The following PDXDC1 variants were observed in gnomAD, a reference collection of about 807,000 sequenced individuals.
PDXDC1 encodes the protein pyridoxal dependent decarboxylase domain containing 1.
A neutral mutation model predicts 100.1 loss-of-function variants in PDXDC1; 42 were observed. The observed-to-expected ratio is 0.42, with a 90% CI of 0.33 to 0.54. The LOEUF is 0.54. PDXDC1 is among the 20% of genes least tolerant of loss of function. PDXDC1 has a pLI of 0.10. For synonymous variants in PDXDC1, 260 were observed against 371.7 expected, an observed-to-expected ratio of 0.70 and a Z score of 3.46; for missense variants, 636 against 979.2, an observed-to-expected ratio of 0.65 and a Z score of 4.68.
In PDXDC1 at chr16:15,075,892, G is replaced by A. The variant is rs563935507; in HGVS notation, c.1399+45836G>A. Among the ~76,000 whole-genome samples, 82 of 152,206 alleles carry A rather than the reference G, an allele frequency of 5.4e-4. 1 individual carries two copies. The highest frequency in any genetic ancestry group is 4.0e-3 in the Admixed American group (61 of 15,292). Reference sequence around the variant, plus strand: ...CTCACAGCCGCCTACTTTCTCCAGAGCTGCCCTGAGCAGAAAGGAGCCAGG... The same window carrying A: ...CTCACAGCCGCCTACTTTCTCCAGAACTGCCCTGAGCAGAAAGGAGCCAGG... On this transcript the variant is annotated intron_variant, in intron 16 of 16. Coordinates refer to the PDXDC1 transcript ENST00000535621.
intron 16 of PDXDC1, among the ~76,000 whole-genome samples, chr16:15,100,062 C>T (rs868024993): frequency 2.0e-4 from 31 of 152,296 alleles, no homozygotes; most frequent in Non-Finnish European, 2.8e-4. Context: ...CTGTAACCCT[C>T]CTGTAATCTA....
At chr16:14,985,612 T>G (rs1183824326) in intron 1 of PDXDC1, among the ~76,000 whole-genome samples, 5 of 152,280 alleles carry the variant, frequency 3.3e-5, no homozygotes, top group African/African-American at 1.2e-4. Context: ...TCCGTTAGCT[T>G]TTTTGAAAAG....
chr16:15,128,154 G>A (rs1465105735), intron 16 of PDXDC1: 5 of 1,609,880 alleles, frequency 3.1e-6, no homozygotes, highest in Admixed American at 1.7e-5. Flanking sequence ...GCGCGGGAGG[G>A]AGGTCAGGCT....
chr16:14,990,705 C>A (rs553525073), intron 1 of PDXDC1, among the ~76,000 whole-genome samples: 2 of 152,282 alleles, frequency 1.3e-5, no homozygotes, highest in Admixed American at 6.5e-5. Flanking sequence ...CCCACTCCCC[C>A]CTGGGCTTAC....
chr16:15,074,819 C>G (rs1424823612), intron 16 of PDXDC1: 2 of 1,613,720 alleles, frequency 1.2e-6, no homozygotes, highest in Non-Finnish European at 1.7e-6. Flanking sequence ...TCGAGCCGTT[C>G]AGGACCAGCC....
chr16:15,063,317 A>T (rs901063718), intron 16 of PDXDC1: 5 of 1,506,114 alleles, frequency 3.3e-6, no homozygotes, highest in Non-Finnish European at 4.6e-6. Context: ...AAGTCAAGTT[A>T]AATACTTCGG....
At chr16:14,990,922 G>T (rs1442622016) in intron 1 of PDXDC1, among the ~76,000 whole-genome samples, 1 of 152,272 alleles carries the variant, frequency 6.6e-6, no homozygotes, top group Non-Finnish European at 1.5e-5. Flanking sequence ...TGTATTTTTA[G>T]TAGAGACGGG....
Position 15,037,936 on chromosome 16 carries a change from G to C in PDXDC1, c.*1661G>C, listed in dbSNP as rs1394055740. 10 of 828,776 alleles carry C rather than the reference G, an allele frequency of 1.2e-5. No individual in the cohort carries two copies. Among genetic ancestry groups the C allele is most frequent in the Non-Finnish European group, 2.0e-5 (10 of 510,796 alleles). The allele number at this position is 828,776 out of a possible 1,614,324, so 51.3% of individuals were successfully genotyped here. ...ACACTGAGGAGGGAAGGAGGCCTAA[G>C]ACCCAACAGATGTAGGATCCAGATC... On this transcript the variant is annotated 3_prime_UTR_variant, in exon 23 of 23. Coordinates refer to ENST00000396410, the MANE Select transcript of PDXDC1 (RefSeq NM_015027.4).
chr16:15,087,826 T>A (rs993788948), intron 16 of PDXDC1, among the ~76,000 whole-genome samples: 26 of 152,244 alleles, frequency 1.7e-4, no homozygotes, highest in South Asian at 8.3e-4. Flanking sequence ...TTTTTAAAAG[T>A]AAATCAGGCT....
chr16:14,975,046 CAG>C lies in PDXDC1; in HGVS notation c.-153_-152del. On this transcript the variant is annotated 5_prime_UTR_variant, in exon 1 of 23. Transcript: ENST00000396410. The stretch of plus-strand genomic sequence containing the variant: ...GCCGCCTCTCAACCATCAGGTTCGG[CAG>C]CCCGCGGCGCCGCCTGGCAGCTCCT... 5 of 1,521,706 alleles carry C rather than the reference CAG, an allele frequency of 3.3e-6. No homozygotes were observed. In the East Asian group the frequency reaches 1.2e-4, roughly 38 times the overall value. The allele number at this position is 1,521,706 out of a possible 1,614,324, so 94.3% of individuals were successfully genotyped here. A position where few individuals can be genotyped will look rare whatever the true frequency, so the allele number is the denominator to read the frequency against.
intron 9 of PDXDC1, 188 bp downstream of exon 9, chr16:15,016,401 G>A: frequency 1.5e-6 from 2 of 1,321,456 alleles, no homozygotes; most frequent in Non-Finnish European, 1.0e-6. Context: ...AAAGAGCAGT[G>A]TTATGACTGC....
At chr16:15,028,991 T>G (rs752594755) in intron 15 of PDXDC1, 25 bp downstream of exon 15, 1 of 1,605,192 alleles carries the variant, frequency 6.2e-7, no homozygotes, top group Non-Finnish European at 8.5e-7. Flanking sequence ...CACCCCCCTT[T>G]CCTTTCAGGT....
At chr16:15,099,365 A>G (rs571811005) in intron 16 of PDXDC1, among the ~76,000 whole-genome samples, 1 of 144,638 alleles carries the variant, frequency 6.9e-6, no homozygotes, top group Non-Finnish European at 1.5e-5. Flanking sequence ...GGTTGCAGTG[A>G]GCCAAGATCG....
intron 16 of PDXDC1, among the ~76,000 whole-genome samples, chr16:15,095,564 T>C (rs1451144351): frequency 1.3e-5 from 2 of 151,994 alleles, no homozygotes; most frequent in Non-Finnish European, 2.9e-5. Flanking sequence ...AAAATGCATA[T>C]GTATGGGCCC....
chr16:15,060,206 A>C (rs768758627), intron 16 of PDXDC1: 43 of 397,240 alleles, frequency 1.1e-4, no homozygotes, highest in African/African-American at 2.1e-5. Context: ...CCCACTTACT[A>C]CTAATTTCTG....
At chr16:15,099,607 T>C (rs1442158963) in intron 16 of PDXDC1, among the ~76,000 whole-genome samples, 1 of 150,202 alleles carries the variant, frequency 6.7e-6, no homozygotes, top group African/African-American at 2.5e-5. Flanking sequence ...CCAGAGAAAA[T>C]AAAGGGGGTG....
chr16:14,975,017 C>T (rs1396907908), upstream of PDXDC1: 30 of 1,533,328 alleles, frequency 2.0e-5, no homozygotes, highest in East Asian at 2.9e-4. Flanking sequence ...CGGGGCCCCG[C>T]CCCGCCGCCT....
intron 16 of PDXDC1, among the ~76,000 whole-genome samples, chr16:15,101,237 T>A (rs1187845555): frequency 6.6e-6 from 1 of 152,212 alleles, no homozygotes; most frequent in Non-Finnish European, 1.5e-5. Context: ...ATATGAAATA[T>A]ACTAGGATAC....
At chr16:15,141,504 C>A (rs2048475009), downstream of PDXDC1, among the ~76,000 whole-genome samples, 1 of 152,214 alleles carries the variant, frequency 6.6e-6, no homozygotes, top group Non-Finnish European at 1.5e-5. Context: ...TCCCTTCCCC[C>A]AGGGGCTGTG....
Sources: allele counts gnomAD v4.1 joint callset (sites outside exome capture counted in the v4.1 genomes callset), GRCh38; gene constraint gnomAD v4.1.1; transcripts MANE v1.5; gene names NCBI Gene and HGNC (gene_info 2026-07-23, HGNC 2026-07-21).